TRPS1: variants seen among roughly 807,000 people sequenced by gnomAD.
TRPS1 encodes the protein zinc finger transcription factor Trps1.
TRPS1 carries 6 observed loss-of-function variants against 101.2 expected under a neutral mutation model. That is an observed-to-expected ratio of 0.06 (90% CI 0.03 to 0.12). TRPS1 has a LOEUF of 0.12. Among genes scored for constraint, TRPS1 ranks in the 10% least tolerant of loss-of-function variants. The probability of loss-of-function intolerance (pLI) is 1.00; values close to 1 mark genes in which losing one functional copy is unlikely to be tolerated. For missense variants in TRPS1, 1,363 were observed against 1,567.0 expected (o/e 0.87, Z 2.20); for synonymous variants, 578 against 589.8 (o/e 0.98, Z 0.29).
chr8:115,558,397 C>T (rs74986552), intron 5 of TRPS1, among the ~76,000 whole-genome samples: 2,001 of 152,228 alleles, frequency 0.013, 41 homozygotes, highest in African/African-American at 0.046. Flanking sequence ...GAAGGAATGG[C>T]CAGTCGAGGC....
rs758814487 is a variant in TRPS1 at position 115,646,633 on chromosome 8, C to T, written c.-122+21912G>A. On this transcript the variant is annotated intron_variant, in intron 1 of 6. Coordinates refer to ENST00000395715, the MANE Select transcript of TRPS1 (RefSeq NM_014112.5). ...AGCCATGAGAAAAATATATGGTGGA[C>T]CTAAAGTCTTTATTACTTGAATATT... 2.0e-4 allele frequency among the ~76,000 whole-genome samples: 30 copies of T among 152,108 alleles called. 1 individual carries two copies. Among genetic ancestry groups the T allele is most frequent in the Non-Finnish European group, 3.8e-4 (26 of 68,002 alleles).
At chr8:115,507,123 T>C (rs1401808558) in intron 5 of TRPS1, among the ~76,000 whole-genome samples, 1 of 152,088 alleles carries the variant, frequency 6.6e-6, no homozygotes, top group Non-Finnish European at 1.5e-5. Flanking sequence ...CAAATAAATC[T>C]CCTCAGTAAA....
At chr8:115,617,355 T>A (rs956422396) in intron 3 of TRPS1, among the ~76,000 whole-genome samples, 3 of 152,208 alleles carry the variant, frequency 2.0e-5, no homozygotes, top group African/African-American at 7.2e-5. Context: ...CTCACACATC[T>A]GTTTTACTTC....
At chr8:115,431,719 T>G in intron 5 of TRPS1, among the ~76,000 whole-genome samples, 1 of 151,892 alleles carries the variant, frequency 6.6e-6, no homozygotes, top group Non-Finnish European at 1.5e-5. Context: ...TCTTCTTTCA[T>G]ATAGTGTAGC....
intron 4 of TRPS1, among the ~76,000 whole-genome samples, chr8:115,599,817 T>C (rs549612919): frequency 6.6e-6 from 1 of 152,314 alleles, no homozygotes; most frequent in Non-Finnish European, 1.5e-5. Context: ...GCATGTGTCT[T>C]TATAGTAGAA....
At position 115,418,273 on chromosome 8, in the gene TRPS1, G is replaced by T; in HGVS notation, c.2823+57C>A. 2 of 1,613,502 alleles carry T rather than the reference G, an allele frequency of 1.2e-6. No individual in the cohort carries two copies. Among genetic ancestry groups the T allele is most frequent in the South Asian group, 1.1e-5 (1 of 90,992 alleles). On this transcript the variant is annotated intron_variant, in intron 6 of 6. Transcript: ENST00000395715. This position sits in a 1 kb window ranked among gnomAD's most constrained non-coding sequence, Gnocchi z 4.3. Reference sequence around the variant, plus strand: ...AGGGAATGGGACTTATCACACCACAGACCAGGCCAACACTGCTTTATAAAG... The same window carrying T: ...AGGGAATGGGACTTATCACACCACATACCAGGCCAACACTGCTTTATAAAG...
Position 115,604,286 on chromosome 8 carries a change from A to G in TRPS1, c.1683T>C (p.Arg561=), listed in dbSNP as rs1817978583. 1.9e-6 allele frequency: 3 copies of G among 1,614,132 alleles called. No homozygotes were observed. The highest frequency in any genetic ancestry group is 2.5e-6 in the Non-Finnish European group (3 of 1,180,010). The change falls in exon 4 of 7, where the codon CGT becomes CGC. Residue 561 remains arginine, a synonymous_variant. Coordinates refer to ENST00000395715, the MANE Select transcript of TRPS1 (RefSeq NM_014112.5). The surrounding 1 kb of genome is among the most constrained non-coding windows in gnomAD (Gnocchi z 4.1). ...GAATGTTATGGAGCTGTTGATAATGACGGAGAAGTGGCCCCACTACAATTA... is the reference window on the plus strand; with the variant it reads ...GAATGTTATGGAGCTGTTGATAATGGCGGAGAAGTGGCCCCACTACAATTA... The part of the protein sequence containing the change: ...PDVIVVGPLL[R]HYQQLHNIHK...
chr8:115,642,134 C>G (rs998832600), intron 1 of TRPS1, among the ~76,000 whole-genome samples: 3 of 151,442 alleles, frequency 2.0e-5, no homozygotes, highest in Admixed American at 6.6e-5. Context: ...AGAGCCCTTG[C>G]GCCCAAGAGT....
intron 4 of TRPS1, among the ~76,000 whole-genome samples, chr8:115,602,133 G>A (rs192996601): frequency 8.3e-4 from 127 of 152,178 alleles, no homozygotes; most frequent in South Asian, 3.7e-3. Flanking sequence ...AGATGTATCA[G>A]AATGAGTGCG....
intron 5 of TRPS1, among the ~76,000 whole-genome samples, chr8:115,579,141 A>C (rs1263524822): frequency 6.6e-6 from 1 of 152,138 alleles, no homozygotes; most frequent in Non-Finnish European, 1.5e-5. Flanking sequence ...AAAGGAATCC[A>C]TCCAGTAATA....
intron 5 of TRPS1, among the ~76,000 whole-genome samples, chr8:115,514,488 A>C (rs1331139640): frequency 6.6e-6 from 1 of 151,682 alleles, no homozygotes; most frequent in Non-Finnish European, 1.5e-5. Context: ...AATAACATAT[A>C]ATTAAATGGA....
At position 115,490,204 on chromosome 8, in the gene TRPS1, T is replaced by A. The variant is rs932601309; in HGVS notation, c.2701-71752A>T. 2.0e-5 allele frequency among the ~76,000 whole-genome samples: 3 copies of A among 152,274 alleles called. No homozygotes were observed. The South Asian group carries it at 6.2e-4, about 32-fold the overall frequency. The stretch of plus-strand genomic sequence containing the variant: ...CAAGACCAAGTTTTACAAGGAATTC[T>A]TAAATGTCTGAATTCTCATAAAATC... On this transcript the variant is annotated intron_variant, in intron 5 of 6. Transcript: ENST00000395715.
At chr8:115,461,274 TAGATAGATAGATAGATAGATAGATAG>T (rs1814163736) in intron 5 of TRPS1, among the ~76,000 whole-genome samples, 2 of 83,428 alleles carry the variant, frequency 2.4e-5, no homozygotes, top group South Asian at 6.8e-4. Flanking sequence ...GATAGATAGA[TAGATAGATAGATAGATAGATAGATAG>T]ACAGATACAT....
At chr8:115,516,039 T>G (rs1304245426) in intron 5 of TRPS1, among the ~76,000 whole-genome samples, 1 of 151,454 alleles carries the variant, frequency 6.6e-6, no homozygotes, top group Non-Finnish European at 1.5e-5. Flanking sequence ...GAGCATTACA[T>G]GAGCTACCAC....
chr8:115,434,283 G>T (rs1813395751), intron 5 of TRPS1, among the ~76,000 whole-genome samples: 1 of 152,134 alleles, frequency 6.6e-6, no homozygotes, highest in African/African-American at 2.4e-5. Context: ...TTATAGATCT[G>T]AAATTCATAT....
At chr8:115,480,723 T>G (rs780741480) in intron 5 of TRPS1, among the ~76,000 whole-genome samples, 4 of 152,106 alleles carry the variant, frequency 2.6e-5, no homozygotes, top group Non-Finnish European at 5.9e-5. Context: ...TTAACAAGTT[T>G]TAAAATAGAA....
chr8:115,626,704 A>T (rs1027243702), intron 1 of TRPS1, among the ~76,000 whole-genome samples: 4 of 151,792 alleles, frequency 2.6e-5, no homozygotes, highest in African/African-American at 9.7e-5. Context: ...TTCTATTAAC[A>T]TATGCTTCAG....
At chr8:115,506,377 GA>G (rs1157260755) in intron 5 of TRPS1, among the ~76,000 whole-genome samples, 1 of 151,972 alleles carries the variant, frequency 6.6e-6, no homozygotes, top group East Asian at 1.9e-4. Flanking sequence ...TTCACTTCTA[GA>G]ACTGATTTTG....
intron 5 of TRPS1, among the ~76,000 whole-genome samples, chr8:115,533,450 T>TTTTTTTTTG (rs1563580808): frequency 0.013 from 1,648 of 130,028 alleles, 56 homozygotes; most frequent in African/African-American, 0.052. Flanking sequence ...TTTTTTTTTT[T>TTTTTTTTTG]TTTTTTTTTC....
Sources: allele counts gnomAD v4.1 joint callset (sites outside exome capture counted in the v4.1 genomes callset), GRCh38; gene constraint gnomAD v4.1.1; non-coding constraint Gnocchi (gnomAD v3.1); transcripts MANE v1.5; gene names NCBI Gene and HGNC (gene_info 2026-07-23, HGNC 2026-07-21).